TRIM74: variants seen among roughly 807,000 people sequenced by gnomAD.
TRIM74 encodes tripartite motif-containing protein 74.
A neutral mutation model predicts 14.5 loss-of-function variants in TRIM74; 3 were observed. The observed-to-expected ratio is 0.21, with a 90% CI of 0.09 to 0.53. The LOEUF (loss-of-function observed/expected upper bound fraction) is 0.53. Among genes scored for constraint, TRIM74 ranks in the 20% least tolerant of loss-of-function variants. TRIM74 has a pLI of 0.95. For missense variants in TRIM74, 26 were observed against 174.0 expected (o/e 0.15, Z 4.79); for synonymous variants, 10 against 71.3 (o/e 0.14, Z 4.33).
intron 1 of TRIM74, chr7:72,966,735 G>A (rs1798286248): frequency 3.0e-5 from 2 of 66,970 alleles, no homozygotes; most frequent in East Asian, 6.1e-4. Context: ...AACCTACAAG[G>A]CCTCTACCCT....
chr7:72,967,778 CTT>C (rs1256247164), intron 1 of TRIM74, among the ~76,000 whole-genome samples: 2 of 5,970 alleles, frequency 3.4e-4, no homozygotes, highest in Non-Finnish European at 7.0e-4. Context: ...AACCTGGCCT[CTT>C]TTTTTTTTTT....
downstream of TRIM74, chr7:72,955,089 A>C: frequency 7.6e-6 from 1 of 131,946 alleles, no homozygotes. Flanking sequence ...GTATGTGTGT[A>C]TATATATATA....
In TRIM74 at chr7:72,965,916, G is replaced by C. The variant is rs1554507060; in HGVS notation, c.242C>G (p.Pro81Arg). ...LAWVIEALRL[P>R]GDPEPKVCVH... ...GCAGACCTTGGGCTCCGGGTCCCCA[G>C]GGAGCCTCAGGGCTTCGATCACCCA... Residue 81 changes from proline to arginine, a missense_variant, in exon 2 of 5, where the codon CCT becomes CGT. Coordinates refer to ENST00000285805, the MANE Select transcript of TRIM74 (RefSeq NM_198853.3). 2.5e-6 allele frequency: 1 copy of C among 396,574 alleles called. No individual in the cohort carries two copies. 24.6% of individuals were successfully genotyped at this position (396,574 alleles called of 1,614,324 possible).
downstream of TRIM74, among the ~76,000 whole-genome samples, chr7:72,955,258 G>A (rs1296026016): frequency 8.4e-6 from 1 of 118,856 alleles, no homozygotes; most frequent in East Asian, 2.4e-4. Context: ...CACCACGCCC[G>A]GCTAATTTTT....
intron 1 of TRIM74, among the ~76,000 whole-genome samples, chr7:72,967,114 G>C (rs1201462153): frequency 6.6e-6 from 1 of 152,304 alleles, no homozygotes; most frequent in African/African-American, 2.4e-5. Flanking sequence ...TGCTGGCCTT[G>C]GCCACTGTGG....
chr7:72,955,016 C>T (rs1284018087), downstream of TRIM74: 22 of 613,780 alleles, frequency 3.6e-5, no homozygotes, highest in South Asian at 9.6e-5. Context: ...GCAGTTATTG[C>T]GTTGAATATG....
At chr7:72,966,432 A>G (rs1383973518) in intron 1 of TRIM74, among the ~76,000 whole-genome samples, 10 of 137,178 alleles carry the variant, frequency 7.3e-5, no homozygotes, top group Non-Finnish European at 1.5e-4. Flanking sequence ...TACATTTTTT[A>G]CTCAAATTTG....
chr7:72,955,708 C>T (rs1554505562), downstream of TRIM74, among the ~76,000 whole-genome samples: 1 of 140,320 alleles, frequency 7.1e-6, no homozygotes, highest in African/African-American at 2.8e-5. Flanking sequence ...GGTCCCACTC[C>T]GTCACCCAGG....
At chr7:72,967,461 T>C (rs2129582532) in intron 1 of TRIM74, among the ~76,000 whole-genome samples, 1 of 151,514 alleles carries the variant, frequency 6.6e-6, no homozygotes, top group South Asian at 2.1e-4. Flanking sequence ...GGGTCTTGCT[T>C]TGTTGCCCAG....
downstream of TRIM74, chr7:72,955,111 A>ATATATATATATATATATTTTTT (rs1346659193): frequency 8.9e-6 from 1 of 112,068 alleles, no homozygotes; most frequent in African/African-American, 4.1e-5. Context: ...ATATATATAT[A>ATATATATATATATATATTTTTT]TTTTTTTTTT....
At chr7:72,966,766 A>G (rs1470075562) in intron 1 of TRIM74, 2 of 72,890 alleles carry the variant, frequency 2.7e-5, no homozygotes, top group East Asian at 2.9e-4. Flanking sequence ...CTGCTCCCCT[A>G]TGAAAGCTTG....
At chr7:72,955,105 A>ATT (rs1292249663), downstream of TRIM74, 1 of 148,790 alleles carries the variant, frequency 6.7e-6, no homozygotes, top group African/African-American at 3.5e-5. Flanking sequence ...ATATATATAT[A>ATT]TATATATTTT....
intron 1 of TRIM74, among the ~76,000 whole-genome samples, chr7:72,966,480 G>T (rs2129582453): frequency 8.1e-6 from 1 of 124,018 alleles, no homozygotes; most frequent in South Asian, 2.6e-4. Context: ...AGGGTCATTT[G>T]CAGTGACACT....
chr7:72,955,124 T>C (rs185517832), downstream of TRIM74, among the ~76,000 whole-genome samples: 38,720 of 122,732 alleles, frequency 0.32, 4,457 homozygotes, highest in South Asian at 0.4. Flanking sequence ...TTTTTTTTTT[T>C]CAGACAAAAA....
downstream of TRIM74, among the ~76,000 whole-genome samples, chr7:72,955,183 G>A (rs1490001122): frequency 8.9e-6 from 1 of 112,636 alleles, no homozygotes; most frequent in African/African-American, 3.8e-5. Context: ...TGCAACCTCC[G>A]CCTCCCAGGT....
chr7:72,955,111 A>ATATATATATATATATATAT (rs1346659193), downstream of TRIM74: 1 of 112,068 alleles, frequency 8.9e-6, no homozygotes, highest in African/African-American at 4.1e-5. Flanking sequence ...ATATATATAT[A>ATATATATATATATATATAT]TTTTTTTTTT....
chr7:72,955,111 A>ATATATATATTTT (rs1346659193), downstream of TRIM74: 1 of 112,068 alleles, frequency 8.9e-6, no homozygotes, highest in African/African-American at 4.1e-5. Flanking sequence ...ATATATATAT[A>ATATATATATTTT]TTTTTTTTTT....
downstream of TRIM74, among the ~76,000 whole-genome samples, chr7:72,956,038 T>TAA (rs1798088551): frequency 6.8e-6 from 1 of 147,510 alleles, no homozygotes; most frequent in Non-Finnish European, 1.5e-5. Context: ...AGTGCTGTGT[T>TAA]CATGTATACT....
Position 72,965,941 on chromosome 7 carries a change from A to T in TRIM74, c.217T>A (p.Trp73Arg), listed in dbSNP as rs1798256127. ...GGGAGCCTCAGGGCTTCGATCACCC[A>T]GGCCAGGGAGACGTTGGGCAAGGAG... ...SSSLPNVSLAWVIEALRLPGD... is the reference protein window; with the variant it reads ...SSSLPNVSLARVIEALRLPGD... The change falls in exon 2 of 5, where the codon TGG becomes AGG. Residue 73 changes from tryptophan (W) to arginine (R), a missense_variant. Trp to Arg is a moderately radical substitution (Grantham distance 101). Coordinates refer to ENST00000285805, the MANE Select transcript of TRIM74 (RefSeq NM_198853.3). 4.5e-5 allele frequency: 22 copies of T among 485,210 alleles called. 5 individuals carry two copies. The African/African-American group carries it at 5.1e-4, about 11-fold the overall frequency. 30.1% of individuals were successfully genotyped at this position (485,210 alleles called of 1,614,324 possible).
Sources: gnomAD v4.1 joint callset for allele counts (sites outside exome capture counted in the v4.1 genomes callset) on GRCh38, gnomAD v4.1.1 for gene constraint, MANE v1.5 for transcripts, NCBI Gene and HGNC (gene_info 2026-07-23, HGNC 2026-07-21) for gene names.